The following RHOH variants were observed in gnomAD, a reference collection of about 807,000 sequenced individuals.
RHOH encodes the protein rho-related GTP-binding protein RhoH.
Under a neutral mutation model 13.8 loss-of-function variants are expected in RHOH, and 6 were observed. The observed-to-expected ratio is 0.44, with a 90% confidence interval of 0.24 to 0.86. The LOEUF (loss-of-function observed/expected upper bound fraction) is 0.86, where lower values mean the gene tolerates loss of function less well. RHOH is among the 40% of genes least tolerant of loss of function. The pLI, the probability that RHOH is intolerant of heterozygous loss-of-function variation, is 0.24. For missense variants in RHOH, 147 were observed against 244.5 expected (o/e 0.60, Z 2.66); for synonymous variants, 117 against 103.0 (o/e 1.14, Z -0.82).
At chr4:40,210,163 GATC>G (rs1490560545) in intron 1 of RHOH, among the ~76,000 whole-genome samples, 2 of 151,228 alleles carry the variant, frequency 1.3e-5, no homozygotes, top group Non-Finnish European at 2.9e-5. Flanking sequence ...AATAATTCAT[GATC>G]ATAAGAGGAC....
chr4:40,201,999 C>G (rs1383989655), intron 1 of RHOH, among the ~76,000 whole-genome samples: 2 of 134,844 alleles, frequency 1.5e-5, no homozygotes, highest in Non-Finnish European at 3.1e-5. Context: ...GTCACCCAGG[C>G]TGGAGTGCAG....
intron 1 of RHOH, among the ~76,000 whole-genome samples, chr4:40,222,695 C>T (rs1252321940): frequency 6.6e-6 from 1 of 152,240 alleles, no homozygotes; most frequent in Non-Finnish European, 1.5e-5. Flanking sequence ...CCTGTTAACA[C>T]AATATCTATT....
At chr4:40,202,946 A>C (rs1724190455) in intron 1 of RHOH, among the ~76,000 whole-genome samples, 1 of 151,892 alleles carries the variant, frequency 6.6e-6, no homozygotes, top group African/African-American at 2.4e-5. Flanking sequence ...CTCAAGTTTT[A>C]TTTATTTATT....
At chr4:40,199,229 G>GA (rs138902984) in intron 1 of RHOH, among the ~76,000 whole-genome samples, 3,921 of 151,558 alleles carry the variant, frequency 0.026, 75 homozygotes, top group Middle Eastern at 0.061. Flanking sequence ...GTGCCTGACT[G>GA]AAAAAAAAAT....
upstream of RHOH, among the ~76,000 whole-genome samples, chr4:40,192,430 G>C (rs1464568398): frequency 6.6e-6 from 1 of 152,194 alleles, no homozygotes; most frequent in East Asian, 1.9e-4. Flanking sequence ...TAATTTAGTA[G>C]ATGACTCAAG....
upstream of RHOH, among the ~76,000 whole-genome samples, chr4:40,195,507 G>A (rs2109334162): frequency 6.6e-6 from 1 of 151,510 alleles, no homozygotes; most frequent in African/African-American, 2.4e-5. Flanking sequence ...GTGTCCCCAG[G>A]CTGGAGTGTG....
Position 40,244,554 on chromosome 4 carries a change from A to G in RHOH, c.*592A>G. On this transcript the variant is annotated 3_prime_UTR_variant, in exon 3 of 3. Coordinates refer to ENST00000381799, the MANE Select transcript of RHOH (RefSeq NM_004310.5). ...TTTGTTTTCTACTTACCTGTTATTC[A>G]CAGTTGGATATAAAATACAGTTCCA... 4.9e-6 allele frequency: 1 copy of G among 204,726 alleles called. No individual in the cohort carries two copies. The allele number at this position is 204,726 out of a possible 1,614,324, so 12.7% of individuals were successfully genotyped here.
rs1379649369 is a variant in RHOH, at chr4:40,246,739, C to T, written c.*2777C>T. On this transcript the variant is annotated 3_prime_UTR_variant, in exon 3 of 3. Coordinates refer to ENST00000381799, the MANE Select transcript of RHOH (RefSeq NM_004310.5). ...AGTGGTTATAGAAAGCAAGCAGACCCTCACCAGCCTTGTAGGGGTAAGAAG... is the reference window on the plus strand; with the variant it reads ...AGTGGTTATAGAAAGCAAGCAGACCTTCACCAGCCTTGTAGGGGTAAGAAG... 1 of 152,210 alleles carries T rather than the reference C, an allele frequency of 6.6e-6. No individual in the cohort carries two copies. The highest frequency in any genetic ancestry group is 6.5e-5 in the Admixed American group (1 of 15,274). The allele number at this position is 152,210 out of a possible 1,614,324, so 9.4% of individuals were successfully genotyped here. A position where few individuals can be genotyped will look rare whatever the true frequency, so the allele number is the denominator to read the frequency against.
chr4:40,201,655 C>CT lies in RHOH; in HGVS notation c.-331+4365dup, dbSNP rs149363163. Among the ~76,000 whole-genome samples, 1,152 of 147,914 alleles carry CT rather than the reference C, an allele frequency of 7.8e-3. 21 individuals are homozygous for CT. The highest frequency in any genetic ancestry group is 0.047 in the South Asian group (221 of 4,656). On this transcript the variant is annotated intron_variant, in intron 1 of 2. Transcript: ENST00000381799. ...AAACACAATAAATCAGGCTCCCCAC[C>CT]TTTTTTTTTTCGGGGCGGGGGGCAA...
chr4:40,207,205 C>CAA (rs568521139), intron 1 of RHOH, among the ~76,000 whole-genome samples: 3 of 109,744 alleles, frequency 2.7e-5, no homozygotes, highest in South Asian at 2.8e-4. Flanking sequence ...GACTCCATCT[C>CAA]AAAAAAAAAA....
rs1437298971 is a variant in RHOH, at chr4:40,207,951, G to A, written c.-331+10651G>A. Among the ~76,000 whole-genome samples, 4 of 152,042 alleles carry A rather than the reference G, an allele frequency of 2.6e-5. No individual in the cohort carries two copies. In the South Asian group the frequency reaches 6.2e-4, roughly 24 times the overall value. On this transcript the variant is annotated intron_variant, in intron 1 of 2. Coordinates refer to ENST00000381799, the MANE Select transcript of RHOH (RefSeq NM_004310.5). ...ACTGCACTCCAGCCTGGGCAACAGA[G>A]TGAGACTTGGTCTCAAAAAACAAAT...
At position 40,241,582 on chromosome 4, in the gene RHOH, G is replaced by T. The variant is rs1314346396; in HGVS notation, c.-330-1132G>T. 3.9e-5 allele frequency among the ~76,000 whole-genome samples: 6 copies of T among 152,184 alleles called. No homozygotes were observed. The East Asian group carries it at 1.2e-3, about 29-fold the overall frequency. On this transcript the variant is annotated intron_variant, in intron 1 of 2. Coordinates refer to ENST00000381799, the MANE Select transcript of RHOH (RefSeq NM_004310.5). The stretch of plus-strand genomic sequence containing the variant: ...TATAATTAAACAACAGGGACAGTGG[G>T]TTGACGAGGATAAAAATGTCTTGGC...
intron 1 of RHOH, among the ~76,000 whole-genome samples, chr4:40,232,320 G>A (rs942870707): frequency 1.3e-5 from 2 of 152,196 alleles, no homozygotes; most frequent in South Asian, 2.1e-4. Context: ...AGCTTCCTGG[G>A]CTCAAGTAAT....
intron 1 of RHOH, among the ~76,000 whole-genome samples, chr4:40,217,796 C>T (rs1700522437): frequency 6.6e-6 from 1 of 152,228 alleles, no homozygotes; most frequent in South Asian, 2.1e-4. Context: ...TTCTGAAAGT[C>T]CCTGCTGCTA....
chr4:40,218,214 A>T lies in RHOH; in HGVS notation c.-331+20914A>T, dbSNP rs188328466. 2.2e-4 allele frequency: 33 copies of T among 152,328 alleles called. No homozygotes were observed. In the East Asian group the frequency reaches 6.4e-3, roughly 29 times the overall value. 9.4% of individuals were successfully genotyped at this position (152,328 alleles called of 1,614,324 possible). On this transcript the variant is annotated intron_variant, in intron 1 of 2. Coordinates refer to ENST00000381799, the MANE Select transcript of RHOH (RefSeq NM_004310.5). The surrounding 1 kb of genome is among the most constrained non-coding windows in gnomAD (Gnocchi z 4.1). Reference sequence around the variant, plus strand: ...AAGGACACTCACCTCTAGGCCTCTCAGCCTCCTTGGCCACGTGGTTGTTCT... The same window carrying T: ...AAGGACACTCACCTCTAGGCCTCTCTGCCTCCTTGGCCACGTGGTTGTTCT...
In RHOH at chr4:40,218,960, A is replaced by G. The variant is rs965966048; in HGVS notation, c.-331+21660A>G. The stretch of plus-strand genomic sequence containing the variant: ...TTTAATATTATATTTGTATTTTAAG[A>G]TTGATCCATAATGGAAGGAATTGTT... On this transcript the variant is annotated intron_variant, in intron 1 of 2. Transcript: ENST00000381799. The surrounding 1 kb of genome is among the most constrained non-coding windows in gnomAD (Gnocchi z 4.1). 2.6e-5 allele frequency among the ~76,000 whole-genome samples: 4 copies of G among 152,330 alleles called. No homozygotes were observed. The South Asian group carries it at 6.2e-4, about 24-fold the overall frequency.
intron 1 of RHOH, among the ~76,000 whole-genome samples, chr4:40,240,673 A>G (rs1189828545): frequency 2.6e-5 from 4 of 152,130 alleles, no homozygotes; most frequent in Non-Finnish European, 4.4e-5. Flanking sequence ...GCTGCTCGGG[A>G]GGCTGAGGCA....
intron 1 of RHOH, among the ~76,000 whole-genome samples, chr4:40,199,464 G>A (rs1008275951): frequency 2.0e-5 from 3 of 152,138 alleles, no homozygotes; most frequent in Non-Finnish European, 2.9e-5. Flanking sequence ...TTTCTAGTGA[G>A]AATACATATG....
At chr4:40,242,573 C>T (rs969899479) in intron 1 of RHOH, 141 bp from the exon 2 acceptor site, 4 of 152,220 alleles carry the variant, frequency 2.6e-5, no homozygotes, top group Admixed American at 2.0e-4. Context: ...GGAAAAACCA[C>T]AGCAAATTTT....
Sources: allele counts gnomAD v4.1 joint callset (sites outside exome capture counted in the v4.1 genomes callset), GRCh38; gene constraint gnomAD v4.1.1; non-coding constraint Gnocchi (gnomAD v3.1); transcripts MANE v1.5; gene names NCBI Gene and HGNC (gene_info 2026-07-23, HGNC 2026-07-21).